CTNNA2: variants seen among roughly 807,000 people sequenced by gnomAD.
CTNNA2 encodes the protein catenin alpha 2.
A neutral mutation model predicts 101.0 loss-of-function variants in CTNNA2; 42 were observed. That is an observed-to-expected ratio of 0.42 (90% CI 0.32 to 0.54). The LOEUF (loss-of-function observed/expected upper bound fraction) is 0.54, where lower values mean the gene tolerates loss of function less well. Among genes scored for constraint, CTNNA2 ranks in the 20% least tolerant of loss-of-function variants. The probability of loss-of-function intolerance (pLI) is 0.14; values close to 1 mark genes in which losing one functional copy is unlikely to be tolerated. For missense variants in CTNNA2, 871 were observed against 1,223.1 expected (o/e 0.71, Z 4.29); for synonymous variants, 450 against 456.4 (o/e 0.99, Z 0.18).
chr2:80,073,267 T>C (rs1698461151), intron 7 of CTNNA2, among the ~76,000 whole-genome samples: 1 of 152,194 alleles, frequency 6.6e-6, no homozygotes, highest in Non-Finnish European at 1.5e-5. Flanking sequence ...ACAGGCTGTG[T>C]TAGGCACTTT....
intron 7 of CTNNA2, among the ~76,000 whole-genome samples, chr2:80,278,155 T>C (rs978633980): frequency 3.3e-5 from 5 of 152,096 alleles, no homozygotes; most frequent in African/African-American, 7.2e-5. Context: ...TCATAGAGTA[T>C]GGTAAAAATT....
chr2:80,589,105 G>A (rs1696220813), intron 14 of CTNNA2, among the ~76,000 whole-genome samples, 199 bp from the exon 15 acceptor site: 1 of 152,168 alleles, frequency 6.6e-6, no homozygotes, highest in Non-Finnish European at 1.5e-5. Flanking sequence ...ATATATGGGA[G>A]TGGGACGGGG....
intron 4 of CTNNA2, among the ~76,000 whole-genome samples, chr2:79,473,167 AC>A (rs1178181894): frequency 1.3e-5 from 2 of 152,144 alleles, no homozygotes; most frequent in Non-Finnish European, 2.9e-5. Context: ...CTGAGTCCTC[AC>A]CAGAATCACC....
intron 4 of CTNNA2, among the ~76,000 whole-genome samples, chr2:79,434,311 AAAG>A (rs891430798): frequency 6.6e-6 from 1 of 151,738 alleles, no homozygotes; most frequent in African/African-American, 2.4e-5. Flanking sequence ...AAAAAAAAAA[AAAG>A]GAAGAAGGAG....
chr2:79,395,091 T>C (rs1678215109), intron 4 of CTNNA2, among the ~76,000 whole-genome samples: 1 of 152,126 alleles, frequency 6.6e-6, no homozygotes, highest in South Asian at 2.1e-4. Flanking sequence ...AGTGCAATAC[T>C]TACAACCACC....
At chr2:79,601,179 A>G (rs1677531158) in intron 1 of CTNNA2, among the ~76,000 whole-genome samples, 1 of 152,208 alleles carries the variant, frequency 6.6e-6, no homozygotes, top group Non-Finnish European at 1.5e-5. Flanking sequence ...CTTGAAATGT[A>G]CATTTCCAGG....
intron 7 of CTNNA2, among the ~76,000 whole-genome samples, chr2:80,270,206 G>T (rs1382281541): frequency 1.3e-5 from 2 of 152,170 alleles, no homozygotes; most frequent in African/African-American, 4.8e-5. Flanking sequence ...TTCCTGCTTA[G>T]CCCCTGTGGG....
chr2:80,505,073 T>C (rs770048688), intron 9 of CTNNA2, among the ~76,000 whole-genome samples: 4 of 152,128 alleles, frequency 2.6e-5, no homozygotes, highest in Admixed American at 6.5e-5. Context: ...AAGCAGAAGA[T>C]TAAGCCTTAG....
intron 12 of CTNNA2, among the ~76,000 whole-genome samples, chr2:80,565,521 T>C (rs1255596162): frequency 7.2e-6 from 1 of 138,852 alleles, no homozygotes; most frequent in Non-Finnish European, 1.5e-5. Flanking sequence ...TATGCTCACC[T>C]TTTTTTTTTT....
chr2:79,995,063 AT>A (rs1473620364), intron 7 of CTNNA2, among the ~76,000 whole-genome samples: 1 of 152,200 alleles, frequency 6.6e-6, no homozygotes, highest in African/African-American at 2.4e-5. Context: ...CCATTAGCTC[AT>A]TATTACACTA....
At chr2:80,438,951 G>A (rs1249465166) in intron 9 of CTNNA2, among the ~76,000 whole-genome samples, 2 of 152,184 alleles carry the variant, frequency 1.3e-5, no homozygotes, top group Non-Finnish European at 2.9e-5. Flanking sequence ...TTCCTAGCCT[G>A]AGCAGCTGCC....
At chr2:79,946,382 C>T (rs902689063) in intron 7 of CTNNA2, among the ~76,000 whole-genome samples, 2 of 152,142 alleles carry the variant, frequency 1.3e-5, no homozygotes, top group Admixed American at 1.3e-4. Context: ...CTTTGGCTCA[C>T]CATGTTAATT....
intron 2 of CTNNA2, chr2:79,312,620 G>A (rs925584455): frequency 1.3e-5 from 2 of 152,128 alleles, no homozygotes; most frequent in South Asian, 2.1e-4. Context: ...CCAGGATAGG[G>A]GCTAAGGTCT....
intron 7 of CTNNA2, among the ~76,000 whole-genome samples, chr2:79,958,638 A>C (rs1689410090): frequency 6.6e-6 from 1 of 152,212 alleles, no homozygotes. Flanking sequence ...ATTTTAGTCC[A>C]GTGAGACCCA....
chr2:79,806,794 C>T (rs796366919), intron 3 of CTNNA2, among the ~76,000 whole-genome samples: 3 of 152,094 alleles, frequency 2.0e-5, no homozygotes, highest in Non-Finnish European at 2.9e-5. Flanking sequence ...TGGGATAAGT[C>T]TCTTCTTGAG....
chr2:79,219,176 A>G lies in CTNNA2; in HGVS notation c.-406+21100A>G, dbSNP rs753197667. On this transcript the variant is annotated intron_variant, in intron 2 of 21. Transcript: ENST00000466387. ...AAACATTATTCTTAATGGCTATGTA[A>G]TATTTCATTATATCATTTATATCAC... Among the ~76,000 whole-genome samples the G allele has an allele frequency of 3.9e-5, 6 of 152,302 alleles. No individual in the cohort carries two copies. In the South Asian group the frequency reaches 1.2e-3, roughly 32 times the overall value.
At chr2:80,637,759 G>A (rs1045461571) in intron 18 of CTNNA2, among the ~76,000 whole-genome samples, 1 of 152,116 alleles carries the variant, frequency 6.6e-6, no homozygotes, top group Non-Finnish European at 1.5e-5. Flanking sequence ...AGAAGTGAAA[G>A]AATGAGGAAG....
intron 7 of CTNNA2, among the ~76,000 whole-genome samples, chr2:79,956,816 G>A (rs1210014933): frequency 8.1e-6 from 1 of 123,402 alleles, no homozygotes; most frequent in Non-Finnish European, 1.6e-5. Flanking sequence ...ATCTTGAGTA[G>A]TTTTCATTTA....
chr2:80,574,122 A>C (rs1449531136), intron 12 of CTNNA2, 41 bp from the exon 13 acceptor site: 1 of 1,585,614 alleles, frequency 6.3e-7, no homozygotes, highest in Non-Finnish European at 8.6e-7. Context: ...AGGTAGTGAG[A>C]GAGAAATTGC....
Sources: gnomAD v4.1 joint callset for allele counts (sites outside exome capture counted in the v4.1 genomes callset) on GRCh38, gnomAD v4.1.1 for gene constraint, MANE v1.5 for transcripts, NCBI Gene and HGNC (gene_info 2026-07-23, HGNC 2026-07-21) for gene names.